The following XDH variants were observed in gnomAD, a reference collection of about 807,000 sequenced individuals.
XDH encodes the protein xanthine dehydrogenase/oxidase.
A neutral mutation model predicts 156.1 loss-of-function variants in XDH; 138 were observed. The observed-to-expected ratio is 0.88, with a 90% CI of 0.77 to 1.02. The LOEUF (loss-of-function observed/expected upper bound fraction) is 1.02, where lower values mean the gene tolerates loss of function less well. XDH is among the 50% of genes least tolerant of loss of function. The probability of loss-of-function intolerance (pLI) is 0.00; values close to 1 mark genes in which losing one functional copy is unlikely to be tolerated. For missense variants in XDH, 1,849 were observed against 1,684.9 expected (o/e 1.10, Z -1.71); for synonymous variants, 669 against 625.7 (o/e 1.07, Z -1.03).
chr2:31,401,639 C>T (rs1687063907), intron 3 of XDH, among the ~76,000 whole-genome samples: 1 of 152,228 alleles, frequency 6.6e-6, no homozygotes, highest in African/African-American at 2.4e-5. Context: ...CTCAGCCTGA[C>T]CCAGGAGGCT....
At chr2:31,352,902 A>G (rs978244597) in intron 24 of XDH, among the ~76,000 whole-genome samples, 12 of 67,672 alleles carry the variant, frequency 1.8e-4, no homozygotes, top group African/African-American at 6.9e-4. Flanking sequence ...TTTTTTTTTC[A>G]AAGAGACAGG....
At chr2:31,402,797 A>G (rs1687096998) in intron 3 of XDH, among the ~76,000 whole-genome samples, 1 of 152,200 alleles carries the variant, frequency 6.6e-6, no homozygotes, top group South Asian at 2.1e-4. Flanking sequence ...GAAGGGCTTT[A>G]TGGAATGTGA....
At chr2:31,359,813 G>A (rs1241458301) in intron 24 of XDH, among the ~76,000 whole-genome samples, 1 of 152,154 alleles carries the variant, frequency 6.6e-6, no homozygotes, top group Non-Finnish European at 1.5e-5. Flanking sequence ...AATTTTAAAT[G>A]TGTCCTAAAT....
At chr2:31,368,905 G>A (rs1468167952) in intron 18 of XDH, among the ~76,000 whole-genome samples, 1 of 152,158 alleles carries the variant, frequency 6.6e-6, no homozygotes, top group African/African-American at 2.4e-5. Context: ...TTGAGAAGCT[G>A]AACCAGATAG....
chr2:31,337,636 C>A lies in XDH; in HGVS notation c.3951+5G>T, dbSNP rs112278370. On this transcript the variant is annotated splice_donor_5th_base_variant and intron_variant, in intron 35 of 35. Transcript: ENST00000379416. ...GACTGAGTGGATGCTTGAGGGGCAT[C>A]ATACCAGGGTGGTGAACTTGTCCAC... 20 of 1,613,912 alleles carry A rather than the reference C, an allele frequency of 1.2e-5. No homozygotes were observed. In the African/African-American group the frequency reaches 1.6e-4, roughly 13 times the overall value.
rs565726550 is a variant in XDH, at chr2:31,410,513, G to C, written c.42+4112C>G. On this transcript the variant is annotated intron_variant, in intron 1 of 35. Coordinates refer to ENST00000379416, the MANE Select transcript of XDH (RefSeq NM_000379.4). ...TCACATAGCCTCTATTAATTATAAA[G>C]GTAAAGAAAAGTTACCTTACAGTGA... Among the ~76,000 whole-genome samples, 129 of 152,062 alleles carry C rather than the reference G, an allele frequency of 8.5e-4. 4 individuals carry two copies. In the South Asian group the frequency reaches 0.017, roughly 20 times the overall value.
At chr2:31,382,878 C>T (rs1219431053) in intron 11 of XDH, 123 bp downstream of exon 11, 3 of 1,437,618 alleles carry the variant, frequency 2.1e-6, no homozygotes, top group Non-Finnish European at 2.9e-6. Context: ...CACTGCTCCT[C>T]CCAGGCAACT....
rs199862300 is a variant in XDH, at chr2:31,343,308, A to G, written c.3405-1011T>C. On this transcript the variant is annotated intron_variant, in intron 31 of 35. Transcript: ENST00000379416. Reference sequence around the variant, plus strand: ...ACCATATATATATATATATATATATATATATATATATATATATATGCATGT... The same window carrying G: ...ACCATATATATATATATATATATATGTATATATATATATATATATGCATGT... 2.4e-4 allele frequency among the ~76,000 whole-genome samples: 24 copies of G among 98,490 alleles called. 1 individual carries two copies. Among genetic ancestry groups the G allele is most frequent in the African/African-American group, 7.5e-4 (16 of 21,358 alleles). 64.6% of individuals were successfully genotyped at this position (98,490 alleles called of 152,430 possible). A position where few individuals can be genotyped will look rare whatever the true frequency, so the allele number is the denominator to read the frequency against.
intron 31 of XDH, among the ~76,000 whole-genome samples, 172 bp from the exon 32 acceptor site, chr2:31,342,469 T>C (rs932104406): frequency 2.0e-5 from 3 of 152,218 alleles, no homozygotes; most frequent in Non-Finnish European, 4.4e-5. Flanking sequence ...GAAACCCAGA[T>C]ATTCCAGAAC....
At chr2:31,403,253 T>C in intron 2 of XDH, 109 bp from the exon 3 acceptor site, 1 of 1,188,810 alleles carries the variant, frequency 8.4e-7, no homozygotes, top group South Asian at 1.4e-5. Flanking sequence ...CCACACGTGC[T>C]CAGGCCCCTC....
At chr2:31,371,731 C>A (rs1188553509) in intron 17 of XDH, among the ~76,000 whole-genome samples, 1 of 152,026 alleles carries the variant, frequency 6.6e-6, no homozygotes. Context: ...TTCAGCTGTG[C>A]CTGGTTCACC....
Position 31,386,924 on chromosome 2 carries a change from AAGGGAGGGAGGGAGGGAGAG to A in XDH, c.652-389_652-370del, listed in dbSNP as rs1267587046. Among the ~76,000 whole-genome samples, 791 of 125,206 alleles carry A rather than the reference AAGGGAGGGAGGGAGGGAGAG, an allele frequency of 6.3e-3. 12 individuals carry two copies. The highest frequency in any genetic ancestry group is 0.019 in the South Asian group (61 of 3,148). 82.1% of individuals were successfully genotyped at this position (125,206 alleles called of 152,430 possible). On this transcript the variant is annotated intron_variant, in intron 8 of 35. Coordinates refer to ENST00000379416, the MANE Select transcript of XDH (RefSeq NM_000379.4). ...GGGGGCACCATGGACAAGGCATGAG[AAGGGAGGGAGGGAGGGAGAG>A]AGGGAGGGAGGGAGGGAGAGAGGGA...
Position 31,398,607 on chromosome 2 carries a change from C to T in XDH, c.399G>A (p.Glu133=). ...CATTCTCAATCTCCTCCATGGTGGG[C>T]TCGGGCTGATTCCGGAGCAGTGTGT... ...SMYTLLRNQP[E]PTMEEIENAF... Residue 133 remains glutamate, a synonymous_variant, in exon 5 of 36, where the codon GAG becomes GAA. Transcript: ENST00000379416. 1.2e-6 allele frequency: 2 copies of T among 1,614,140 alleles called. No individual in the cohort carries two copies. The highest frequency in any genetic ancestry group is 1.3e-5 in the African/African-American group (1 of 75,048).
At chr2:31,358,634 T>C (rs1429508177) in intron 24 of XDH, among the ~76,000 whole-genome samples, 2 of 152,062 alleles carry the variant, frequency 1.3e-5, no homozygotes, top group East Asian at 3.8e-4. Flanking sequence ...TCCACAATAT[T>C]AACAAGCTAA....
intron 22 of XDH, 147 bp from the exon 23 acceptor site, chr2:31,365,691 T>C: frequency 2.9e-6 from 3 of 1,042,438 alleles, no homozygotes; most frequent in Non-Finnish European, 4.4e-6. Context: ...ATCTAGGCAC[T>C]GTGATAGACA....
At position 31,339,801 on chromosome 2, in the gene XDH, C is replaced by A. The variant is rs946036047; in HGVS notation, c.3586-124G>T. The A allele has an allele frequency of 8.8e-6, 11 of 1,253,284 alleles. No individual in the cohort carries two copies. The Admixed American group carries it at 1.4e-4, about 16-fold the overall frequency. 77.6% of individuals were successfully genotyped at this position (1,253,284 alleles called of 1,614,324 possible). On this transcript the variant is annotated intron_variant, in intron 33 of 35. Transcript: ENST00000379416. ...CCTGGAATGTAGCTAAAACTGCCCT[C>A]TATTGCTTACCTGGCTCCCGCCTCA...
intron 23 of XDH, 65 bp from the exon 24 acceptor site, chr2:31,364,309 T>C: frequency 6.7e-7 from 1 of 1,500,938 alleles, no homozygotes; most frequent in Non-Finnish European, 9.3e-7. Context: ...TCTGTCTCCC[T>C]CTGATCCTCC....
At chr2:31,401,062 C>G (rs1687045477) in intron 4 of XDH, among the ~76,000 whole-genome samples, 158 bp downstream of exon 4, 1 of 152,118 alleles carries the variant, frequency 6.6e-6, no homozygotes, top group Non-Finnish European at 1.5e-5. Flanking sequence ...CTCACGGTAC[C>G]CAGAGGAGAT....
In XDH at chr2:31,335,911, T is replaced by C. The variant is rs1217810930; in HGVS notation, c.*47A>G. ...TCTGTGGTATGTTCCTCCTGCTCCA[T>C]GGAAGCCCAAAGGCAGCACAAGAAG... On this transcript the variant is annotated 3_prime_UTR_variant, in exon 36 of 36. Transcript: ENST00000379416. The C allele has an allele frequency of 5.6e-6, 9 of 1,602,338 alleles. No homozygotes were observed. In the Admixed American group the frequency reaches 1.3e-4, roughly 24 times the overall value.
Sources: allele counts gnomAD v4.1 joint callset (sites outside exome capture counted in the v4.1 genomes callset), GRCh38; gene constraint gnomAD v4.1.1; transcripts MANE v1.5; gene names NCBI Gene and HGNC (gene_info 2026-07-23, HGNC 2026-07-21).